Variants in SYT1 observed in about 807,000 individuals in gnomAD.
The protein encoded by SYT1 is synaptotagmin 1.
SYT1 carries 8 observed loss-of-function variants against 44.8 expected under a neutral mutation model. That is an observed-to-expected ratio of 0.18 (90% CI 0.10 to 0.32). The LOEUF is 0.32. SYT1 is among the 10% of genes least tolerant of loss of function. SYT1 has a pLI of 1.00. For missense variants in SYT1, 286 were observed against 509.3 expected, an observed-to-expected ratio of 0.56 and a Z score of 4.22; for synonymous variants, 154 against 188.8, an observed-to-expected ratio of 0.82 and a Z score of 1.51.
chr12:79,105,963 A>C (rs537050469), intron 3 of SYT1, among the ~76,000 whole-genome samples: 4 of 152,234 alleles, frequency 2.6e-5, no homozygotes, highest in South Asian at 4.1e-4. Flanking sequence ...GACATTGTAG[A>C]GGTTAACTTG....
At chr12:78,952,390 T>C (rs1158363453) in intron 1 of SYT1, among the ~76,000 whole-genome samples, 1 of 152,116 alleles carries the variant, frequency 6.6e-6, no homozygotes. Flanking sequence ...TCATTGTCAA[T>C]TGTGCCTCTC....
rs544387553 is a variant in SYT1 at position 79,321,879 on chromosome 12, G to A, written c.810+22328G>A. 2.0e-5 allele frequency among the ~76,000 whole-genome samples: 3 copies of A among 152,314 alleles called. No individual in the cohort carries two copies. In the South Asian group the frequency reaches 6.2e-4, roughly 32 times the overall value. ...TCATCATGTGTAATTTCTATAGGAA[G>A]ATAATGCTTCAGATATTGTGTGGTC... On this transcript the variant is annotated intron_variant, in intron 8 of 10. Coordinates refer to ENST00000261205, the MANE Select transcript of SYT1 (RefSeq NM_005639.3).
intron 1 of SYT1, among the ~76,000 whole-genome samples, chr12:78,906,300 G>A (rs996982042): frequency 9.2e-5 from 14 of 151,970 alleles, no homozygotes; most frequent in Non-Finnish European, 1.5e-5. Flanking sequence ...ATGTTCTGAG[G>A]GAAAAATGTA....
At chr12:79,429,677 C>T (rs1408678369) in intron 9 of SYT1, among the ~76,000 whole-genome samples, 2 of 151,840 alleles carry the variant, frequency 1.3e-5, no homozygotes, top group Middle Eastern at 3.2e-3. Flanking sequence ...TACAGGCACC[C>T]ACCACCACGC....
chr12:79,156,872 T>C (rs1161846088), intron 3 of SYT1, among the ~76,000 whole-genome samples: 3 of 152,102 alleles, frequency 2.0e-5, no homozygotes, highest in African/African-American at 7.2e-5. Flanking sequence ...CAGAGAAGGG[T>C]CCTACTTGGC....
At chr12:79,426,241 G>C (rs979543243) in intron 9 of SYT1, among the ~76,000 whole-genome samples, 2 of 152,094 alleles carry the variant, frequency 1.3e-5, no homozygotes, top group African/African-American at 4.8e-5. Flanking sequence ...GGCAAATCAT[G>C]AGCTTGCTTT....
intron 2 of SYT1, among the ~76,000 whole-genome samples, chr12:79,010,386 C>G (rs1016716456): frequency 6.6e-6 from 1 of 152,088 alleles, no homozygotes; most frequent in African/African-American, 2.4e-5. Context: ...CCACTTCATT[C>G]TGAACAAATT....
At chr12:79,125,303 A>G (rs957768740) in intron 3 of SYT1, among the ~76,000 whole-genome samples, 2 of 152,046 alleles carry the variant, frequency 1.3e-5, no homozygotes, top group Non-Finnish European at 2.9e-5. Flanking sequence ...TTTGGCAAAC[A>G]TTGTAAAGAA....
intron 5 of SYT1, among the ~76,000 whole-genome samples, chr12:79,286,962 T>C (rs1285271864): frequency 6.6e-6 from 1 of 152,198 alleles, no homozygotes; most frequent in African/African-American, 2.4e-5. Context: ...CCTCTTATAC[T>C]ATTAATTACT....
rs753875966 is a variant in SYT1 at position 79,245,858 on chromosome 12, AAT to A, written c.166+28179_166+28180del. ...AGAGGATTTCATGAAAAGTAAAAAG[AAT>A]ATATAACAGTAGACTAACACTTTTT... On this transcript the variant is annotated intron_variant, in intron 4 of 10. Transcript: ENST00000261205. 1.3e-3 allele frequency among the ~76,000 whole-genome samples: 193 copies of A among 152,248 alleles called. 2 individuals carry two copies. Among genetic ancestry groups the A allele is most frequent in the Admixed American group, 3.3e-3 (51 of 15,292 alleles).
chr12:78,889,128 A>G (rs764673880), intron 1 of SYT1, among the ~76,000 whole-genome samples: 5 of 151,880 alleles, frequency 3.3e-5, no homozygotes, highest in Non-Finnish European at 5.9e-5. Flanking sequence ...GCATTGACAA[A>G]CATGTATAGA....
intron 4 of SYT1, among the ~76,000 whole-genome samples, chr12:79,230,086 T>C (rs541359266): frequency 1.8e-4 from 28 of 152,324 alleles, no homozygotes; most frequent in Admixed American, 4.6e-4. Flanking sequence ...CCACACAAAT[T>C]TCAAAAGCCC....
At chr12:78,978,280 C>A (rs1178219774) in intron 2 of SYT1, among the ~76,000 whole-genome samples, 1 of 152,138 alleles carries the variant, frequency 6.6e-6, no homozygotes, top group Non-Finnish European at 1.5e-5. Context: ...AGCAGTCTTG[C>A]ATTCTAAAAG....
At chr12:79,114,191 G>C (rs1296891293) in intron 3 of SYT1, among the ~76,000 whole-genome samples, 1 of 152,200 alleles carries the variant, frequency 6.6e-6, no homozygotes, top group African/African-American at 2.4e-5. Context: ...GAGTAGGTAA[G>C]AGGGAAGGAA....
intron 4 of SYT1, among the ~76,000 whole-genome samples, chr12:79,256,757 A>T (rs533965755): frequency 6.6e-6 from 1 of 152,346 alleles, no homozygotes; most frequent in East Asian, 1.9e-4. Flanking sequence ...ACAGAAGAAA[A>T]ATGCCATCTA....
intron 8 of SYT1, among the ~76,000 whole-genome samples, chr12:79,349,723 C>T (rs1882806152): frequency 6.6e-6 from 1 of 152,060 alleles, no homozygotes; most frequent in African/African-American, 2.4e-5. Context: ...CATAATCCCA[C>T]CAAAGAAAAA....
At position 79,080,092 on chromosome 12, in the gene SYT1, A is replaced by G. The variant is rs59212189; in HGVS notation, c.-18+32730A>G. On this transcript the variant is annotated intron_variant, in intron 3 of 10. Coordinates refer to ENST00000261205, the MANE Select transcript of SYT1 (RefSeq NM_005639.3). ...CCAAAGTAAAACCTTCACTTCTTCA[A>G]TAGCAAACTTTCTGCTCTTTCAATG... Among the ~76,000 whole-genome samples the G allele has an allele frequency of 8.9e-3, 1,360 of 152,180 alleles. 27 individuals are homozygous for G. The highest frequency in any genetic ancestry group is 0.031 in the African/African-American group (1,272 of 41,538).
Position 79,394,927 on chromosome 12 carries a change from G to C in SYT1, c.928+41308G>C, listed in dbSNP as rs532973486. On this transcript the variant is annotated intron_variant, in intron 9 of 10. Coordinates refer to ENST00000261205, the MANE Select transcript of SYT1 (RefSeq NM_005639.3). Reference sequence around the variant, plus strand: ...CTCCATAATTACCAATAGAATTAAGGTTAAGTTGATAAATTTCATGAGAAT... The same window carrying C: ...CTCCATAATTACCAATAGAATTAAGCTTAAGTTGATAAATTTCATGAGAAT... Among the ~76,000 whole-genome samples the C allele has an allele frequency of 3.0e-4, 45 of 152,234 alleles. No individual in the cohort carries two copies. In the Middle Eastern group the frequency reaches 0.01, roughly 35 times the overall value.
At chr12:78,923,366 G>A (rs1877115797) in intron 1 of SYT1, among the ~76,000 whole-genome samples, 1 of 151,868 alleles carries the variant, frequency 6.6e-6, no homozygotes, top group South Asian at 2.1e-4. Context: ...ATGTGTTACA[G>A]CTCCTATTTA....
Sources: gnomAD v4.1 joint callset for allele counts (sites outside exome capture counted in the v4.1 genomes callset) on GRCh38, gnomAD v4.1.1 for gene constraint, MANE v1.5 for transcripts, NCBI Gene and HGNC (gene_info 2026-07-23, HGNC 2026-07-21) for gene names.